The following EPB41L3 variants were observed in gnomAD, a reference collection of about 807,000 sequenced individuals.
The protein encoded by EPB41L3 is band 4.1-like protein 3.
A neutral mutation model predicts 127.1 loss-of-function variants in EPB41L3; 57 were observed. The ratio of observed to expected loss-of-function variants is 0.45; its 90% CI spans 0.36 to 0.56. EPB41L3 has a LOEUF of 0.56. Among genes scored for constraint, EPB41L3 ranks in the 20% least tolerant of loss-of-function variants. EPB41L3 has a pLI of 0.00. For synonymous variants in EPB41L3, 572 were observed against 549.5 expected (o/e 1.04, Z -0.57); for missense variants, 1,273 against 1,372.2 (o/e 0.93, Z 1.14).
intron 1 of EPB41L3, among the ~76,000 whole-genome samples, chr18:5,522,514 A>G (rs991439587): frequency 2.0e-5 from 3 of 152,162 alleles, no homozygotes; most frequent in Non-Finnish European, 2.9e-5. Context: ...GAAAAATGTT[A>G]TTTGTCATAT....
chr18:5,576,322 A>G (rs2094336440), intron 3 of EPB41L3, among the ~76,000 whole-genome samples: 1 of 152,236 alleles, frequency 6.6e-6, no homozygotes, highest in African/African-American at 2.4e-5. Flanking sequence ...AAATAAATAA[A>G]TAAAAGATAT....
chr18:5,597,328 T>C (rs923693867), intron 3 of EPB41L3, among the ~76,000 whole-genome samples: 5 of 152,204 alleles, frequency 3.3e-5, no homozygotes, highest in African/African-American at 1.2e-4. Flanking sequence ...CTCTATGATA[T>C]GACTTGGCTT....
At chr18:5,466,740 A>T (rs2085066700) in intron 3 of EPB41L3, among the ~76,000 whole-genome samples, 1 of 152,126 alleles carries the variant, frequency 6.6e-6, no homozygotes, top group Non-Finnish European at 1.5e-5. Context: ...TAACCAAAAA[A>T]GAGATGATCA....
Position 5,416,247 on chromosome 18 carries a change from T to G in EPB41L3, c.1638A>C (p.Arg546Ser). Reference sequence around the variant, plus strand: ...CGGGCTCTCCAGGCAGGTGCTCAGCTCTGGACGGCTCATAACCTGGCAGTT... The same window carrying G: ...CGGGCTCTCCAGGCAGGTGCTCAGCGCTGGACGGCTCATAACCTGGCAGTT... ...DCKLPGYEPS[R>S]AEHLPGEPAL... The change falls in exon 13 of 23, where the codon AGA (arginine) becomes AGC (serine). Residue 546 changes from arginine to serine, a missense_variant. Arg to Ser is a moderately radical substitution (Grantham distance 110, BLOSUM62 -1). Transcript: ENST00000341928. 1 of 1,614,082 alleles carries G rather than the reference T, an allele frequency of 6.2e-7. No individual in the cohort carries two copies. Among genetic ancestry groups the G allele is most frequent in the Non-Finnish European group, 8.5e-7 (1 of 1,180,024 alleles).
intron 1 of EPB41L3, among the ~76,000 whole-genome samples, chr18:5,509,730 T>A (rs1339915511): frequency 6.6e-6 from 1 of 152,230 alleles, no homozygotes; most frequent in African/African-American, 2.4e-5. Flanking sequence ...ATTTTCTTTA[T>A]AATCATTCAC....
At position 5,561,031 on chromosome 18, in the gene EPB41L3, G is replaced by A. The variant is rs181856520; in HGVS notation, c.-306+51309C>T. On this transcript the variant is annotated intron_variant, in intron 3 of 21. Transcript: ENST00000545076. ...CTCGCTCTGTCGCCCAGGCTGGAGTGCAGTGGCGCGATCGCGGCTCACTGC... is the reference window on the plus strand; with the variant it reads ...CTCGCTCTGTCGCCCAGGCTGGAGTACAGTGGCGCGATCGCGGCTCACTGC... 2.7e-3 allele frequency among the ~76,000 whole-genome samples: 378 copies of A among 139,020 alleles called. 45 individuals carry two copies. The highest frequency in any genetic ancestry group is 4.8e-3 in the Admixed American group (67 of 13,878). The allele number at this position is 139,020 out of a possible 152,430, so 91.2% of individuals were successfully genotyped here. A position where few individuals can be genotyped will look rare whatever the true frequency, so the allele number is the denominator to read the frequency against.
At position 5,396,298 on chromosome 18, in the gene EPB41L3, C is replaced by T. The variant is rs988239687; in HGVS notation, c.2876G>A (p.Gly959Asp). The T allele has an allele frequency of 6.2e-7, 1 of 1,614,114 alleles. No individual in the cohort carries two copies. The highest frequency in any genetic ancestry group is 1.3e-5 in the African/African-American group (1 of 75,026). The change falls in exon 19 of 23, where the codon GGC becomes GAC. Residue 959 changes from glycine to aspartate, a missense_variant. Gly to Asp is a moderately conservative substitution (Grantham distance 94). This residue lies in a region of EPB41L3 where 765 missense variants were observed against 782.9 expected (regional missense o/e 0.98). Transcript: ENST00000341928. ...STVKTETISF[G>D]SVSPGGVKLE... is the part of the protein sequence containing the mutation. ...CTTTACTCCTCCCGGTGAAACACTG[C>T]CAAAACTGATGGTTTCCGTCTTCAC... is the stretch of plus-strand genomic sequence containing the variant.
intron 14 of EPB41L3, among the ~76,000 whole-genome samples, chr18:5,409,496 A>G (rs1313120231): frequency 2.0e-5 from 3 of 152,160 alleles, no homozygotes; most frequent in African/African-American, 4.8e-5. Context: ...AATCTGCATA[A>G]TAGTTTTAAC....
At chr18:5,430,494 AATG>A (rs1483937756) in intron 8 of EPB41L3, among the ~76,000 whole-genome samples, 1 of 152,300 alleles carries the variant, frequency 6.6e-6, no homozygotes, top group Non-Finnish European at 1.5e-5. Context: ...GGCAAAAAAA[AATG>A]ATACTTTTCA....
intron 3 of EPB41L3, among the ~76,000 whole-genome samples, chr18:5,464,899 T>C (rs2084685325): frequency 6.6e-6 from 1 of 152,192 alleles, no homozygotes; most frequent in African/African-American, 2.4e-5. Context: ...TTTAATAGAC[T>C]TTCCCACATT....
intron 1 of EPB41L3, among the ~76,000 whole-genome samples, chr18:5,532,930 T>C (rs904326826): frequency 6.6e-6 from 1 of 151,840 alleles, no homozygotes; most frequent in Admixed American, 6.6e-5. Context: ...CATGGAGAAA[T>C]AAGAGGTATG....
chr18:5,558,219 C>G (rs993821280), intron 3 of EPB41L3, among the ~76,000 whole-genome samples: 1 of 152,168 alleles, frequency 6.6e-6, no homozygotes, highest in Non-Finnish European at 1.5e-5. Context: ...CAGAAGACAA[C>G]ATTCCTTTGA....
chr18:5,472,587 C>CT (rs1214433166), intron 3 of EPB41L3, among the ~76,000 whole-genome samples: 2 of 152,130 alleles, frequency 1.3e-5, no homozygotes, highest in African/African-American at 4.8e-5. Flanking sequence ...TAAAACAGTC[C>CT]TTATTTTTAT....
intron 3 of EPB41L3, among the ~76,000 whole-genome samples, chr18:5,561,795 A>T (rs571881181): frequency 6.6e-6 from 1 of 152,356 alleles, no homozygotes; most frequent in East Asian, 1.9e-4. Flanking sequence ...TAACCAAGTG[A>T]TCAACACTAA....
intron 5 of EPB41L3, among the ~76,000 whole-genome samples, chr18:5,441,544 C>T (rs2080752394): frequency 6.6e-6 from 1 of 151,282 alleles, no homozygotes; most frequent in Non-Finnish European, 1.5e-5. Flanking sequence ...CGACTCACTG[C>T]AAGCTCCGCC....
intron 3 of EPB41L3, among the ~76,000 whole-genome samples, chr18:5,557,203 C>G (rs561467352): frequency 6.6e-6 from 1 of 152,252 alleles, no homozygotes; most frequent in Non-Finnish European, 1.5e-5. Context: ...ATAATATTGC[C>G]TGATGGAAAG....
At chr18:5,587,073 T>A (rs2094448202) in intron 3 of EPB41L3, among the ~76,000 whole-genome samples, 1 of 152,174 alleles carries the variant, frequency 6.6e-6, no homozygotes, top group Non-Finnish European at 1.5e-5. Context: ...CAAATGTATA[T>A]CTTGGGCATG....
In EPB41L3 at chr18:5,397,539, C is replaced by T. The variant is rs2073768616; in HGVS notation, c.2473-113G>A. 2.3e-6 allele frequency: 3 copies of T among 1,278,004 alleles called. No individual in the cohort carries two copies. The South Asian group carries it at 4.4e-5, about 19-fold the overall frequency. The allele number at this position is 1,278,004 out of a possible 1,614,324, so 79.2% of individuals were successfully genotyped here. On this transcript the variant is annotated intron_variant, in intron 17 of 22. Coordinates refer to ENST00000341928, the MANE Select transcript of EPB41L3 (RefSeq NM_012307.5). This position sits in a 1 kb window ranked among gnomAD's most constrained non-coding sequence, Gnocchi z 4.1. ...TAAAGCCAGCAGCAAGTGCTTATAA[C>T]CAGAAACACTGACGAAAAATATAAA...
chr18:5,489,494 CATA>C, intron 1 of EPB41L3: 1 of 322,498 alleles, frequency 3.1e-6, no homozygotes, highest in Non-Finnish European at 5.6e-6. Context: ...AAAGAAATGT[CATA>C]ATAATTAAAT....
Sources: allele counts gnomAD v4.1 joint callset (sites outside exome capture counted in the v4.1 genomes callset), GRCh38; gene constraint gnomAD v4.1.1; regional missense constraint gnomAD v4.1.1; non-coding constraint Gnocchi (gnomAD v3.1); transcripts MANE v1.5; gene names NCBI Gene and HGNC (gene_info 2026-07-23, HGNC 2026-07-21).